PCDHA7: variants seen among roughly 807,000 people sequenced by gnomAD.
PCDHA7 encodes protocadherin alpha 7, also known as protocadherin alpha-7.
In PCDHA7, 37 loss-of-function variants were observed where a neutral mutation model predicts 57.2. The observed-to-expected ratio is 0.65, with a 90% confidence interval of 0.50 to 0.85. The LOEUF (loss-of-function observed/expected upper bound fraction) is 0.85, where lower values mean the gene tolerates loss of function less well. PCDHA7 is among the 40% of genes least tolerant of loss of function. The pLI is 0.00. For missense variants in PCDHA7, 1,188 were observed against 1,241.8 expected (o/e 0.96, Z 0.65); for synonymous variants, 553 against 558.8 (o/e 0.99, Z 0.15).
intron 1 of PCDHA7, among the ~76,000 whole-genome samples, chr5:140,946,691 G>A (rs782114019): frequency 3.4e-5 from 5 of 147,578 alleles, no homozygotes; most frequent in African/African-American, 5.1e-5. Context: ...TGACAATATG[G>A]ATGAATCTGG....
intron 1 of PCDHA7, among the ~76,000 whole-genome samples, chr5:140,886,698 C>A (rs578140955): frequency 2.0e-5 from 3 of 151,820 alleles, no homozygotes; most frequent in Non-Finnish European, 4.4e-5. Flanking sequence ...TGGTGGCACG[C>A]GCCTGTAATC....
chr5:140,937,937 G>T (rs1584936873), intron 1 of PCDHA7, among the ~76,000 whole-genome samples: 1 of 151,274 alleles, frequency 6.6e-6, no homozygotes. Flanking sequence ...AGTTTAATTT[G>T]ATAATTGGCT....
intron 1 of PCDHA7, among the ~76,000 whole-genome samples, chr5:140,903,411 A>G (rs265314): frequency 0.015 from 2,274 of 152,338 alleles, 53 homozygotes; most frequent in African/African-American, 0.052. Flanking sequence ...TGCAGTCAGG[A>G]AAAATTCAGC....
intron 1 of PCDHA7, chr5:140,868,258 G>T (rs2153230939): frequency 6.6e-6 from 1 of 151,964 alleles, no homozygotes; most frequent in East Asian, 1.9e-4. Context: ...TTCCTTTGTG[G>T]ATTCTTTTTT....
In PCDHA7 at chr5:141,011,697, T is replaced by A. The variant is rs1187125634; in HGVS notation, c.*1760T>A. ...TTTTGTTCTAGTAACAATTTTGGAATGAATACTGACAATATTCCATGAGGG... is the reference window on the plus strand; with the variant it reads ...TTTTGTTCTAGTAACAATTTTGGAAAGAATACTGACAATATTCCATGAGGG... On this transcript the variant is annotated 3_prime_UTR_variant, in exon 4 of 4. Transcript: ENST00000525929. 2 of 153,778 alleles carry A rather than the reference T, an allele frequency of 1.3e-5. No homozygotes were observed. Among genetic ancestry groups the A allele is most frequent in the Non-Finnish European group, 2.9e-5 (2 of 68,036 alleles). The allele number at this position is 153,778 out of a possible 1,614,324, so 9.5% of individuals were successfully genotyped here.
At chr5:140,936,604 G>A (rs1186463181) in intron 1 of PCDHA7, among the ~76,000 whole-genome samples, 4 of 152,116 alleles carry the variant, frequency 2.6e-5, no homozygotes, top group South Asian at 2.1e-4. Context: ...TACTTTCCTC[G>A]CTGCTACTGT....
At chr5:140,882,601 C>G (rs1322989069) in intron 1 of PCDHA7, 1 of 1,614,144 alleles carries the variant, frequency 6.2e-7, no homozygotes, top group Admixed American at 1.7e-5. Flanking sequence ...TGATCGTGGA[C>G]AGGCCTCTGC....
At chr5:140,847,770 T>C (rs2150403735) in intron 1 of PCDHA7, 3 of 149,954 alleles carry the variant, frequency 2.0e-5, no homozygotes, top group African/African-American at 7.3e-5. Context: ...TTAAAGTCAA[T>C]TCTCGCTTTT....
chr5:140,858,473 A>G (rs1055200728), intron 1 of PCDHA7: 2 of 1,518,350 alleles, frequency 1.3e-6, no homozygotes, highest in Non-Finnish European at 1.8e-6. Context: ...TTTGTGCTTT[A>G]TGAATAATAT....
At chr5:140,929,183 C>G (rs148631412) in intron 1 of PCDHA7, 1 of 1,614,144 alleles carries the variant, frequency 6.2e-7, no homozygotes, top group East Asian at 2.2e-5. Flanking sequence ...GGACTTGGTT[C>G]TGATAATAAC....
chr5:140,974,618 T>C (rs781783540), intron 1 of PCDHA7, among the ~76,000 whole-genome samples: 1 of 152,086 alleles, frequency 6.6e-6, no homozygotes, highest in Non-Finnish European at 1.5e-5. Context: ...TTCAAGCGAT[T>C]CTCCTGCCTC....
At chr5:140,876,154 A>T (rs781957040) in intron 1 of PCDHA7, 4 of 1,613,972 alleles carry the variant, frequency 2.5e-6, no homozygotes, top group Non-Finnish European at 2.5e-6. Context: ...GTCTGTCCAG[A>T]TTCAAATAAC....
At chr5:140,919,525 T>G (rs2079174631) in intron 1 of PCDHA7, among the ~76,000 whole-genome samples, 1 of 152,196 alleles carries the variant, frequency 6.6e-6, no homozygotes, top group Non-Finnish European at 1.5e-5. Context: ...TAATTCTCTT[T>G]TTTTCCTATA....
chr5:140,853,857 A>T, intron 1 of PCDHA7: 3 of 985,610 alleles, frequency 3.0e-6, no homozygotes, highest in Non-Finnish European at 3.7e-6. Flanking sequence ...GCCCTATTTG[A>T]TACTTGACAG....
intron 2 of PCDHA7, among the ~76,000 whole-genome samples, chr5:140,979,586 C>T (rs1554240859): frequency 6.6e-6 from 1 of 152,188 alleles, no homozygotes; most frequent in Admixed American, 6.5e-5. Context: ...CCAAATCTAG[C>T]TTACTTTAAA....
chr5:140,875,654 C>A lies in PCDHA7; in HGVS notation c.2355+38916C>A, dbSNP rs781924559. The stretch of plus-strand genomic sequence containing the variant: ...GGGCTGGAGCTGGCGGAGCTGGTGC[C>A]GCGCCTGTTCCGGGTGGCGTCCAAA... On this transcript the variant is annotated intron_variant, in intron 1 of 3. Transcript: ENST00000525929. 54 of 1,613,584 alleles carry A rather than the reference C, an allele frequency of 3.3e-5. No homozygotes were observed. Among genetic ancestry groups the A allele is most frequent in the African/African-American group, 1.3e-4 (10 of 74,926 alleles).
intron 1 of PCDHA7, among the ~76,000 whole-genome samples, chr5:140,917,405 T>C (rs2153543748): frequency 6.6e-6 from 1 of 152,162 alleles, no homozygotes; most frequent in South Asian, 2.1e-4. Flanking sequence ...AGCTCTTTAG[T>C]TTAATTAGGC....
chr5:140,904,486 C>G (rs1396927518), intron 1 of PCDHA7, among the ~76,000 whole-genome samples: 2 of 151,508 alleles, frequency 1.3e-5, no homozygotes, highest in African/African-American at 2.4e-5. Context: ...TGGTCTGATT[C>G]CAAATTTTTA....
Position 140,835,865 on chromosome 5 carries a change from G to T in PCDHA7, c.1482G>T (p.Leu494=). Residue 494 remains leucine, a synonymous_variant, in exon 1 of 4, where the codon CTG becomes CTT. Transcript: ENST00000525929. The part of the protein sequence containing the change: ...AQKNALVSYS[L]VELRVGERAL... ...AGAACGCGCTGGTGTCCTACTCGCTGGTGGAGCTGCGGGTGGGCGAGCGCG... is the reference window on the plus strand; with the variant it reads ...AGAACGCGCTGGTGTCCTACTCGCTTGTGGAGCTGCGGGTGGGCGAGCGCG... 1 of 1,612,146 alleles carries T rather than the reference G, an allele frequency of 6.2e-7. No homozygotes were observed.
Sources: gnomAD v4.1 joint callset for allele counts (sites outside exome capture counted in the v4.1 genomes callset) on GRCh38, gnomAD v4.1.1 for gene constraint, MANE v1.5 for transcripts, NCBI Gene and HGNC (gene_info 2026-07-23, HGNC 2026-07-21) for gene names.